Variants in CTTNBP2NL observed in about 807,000 individuals in gnomAD.
CTTNBP2NL encodes the protein CTTNBP2 N-terminal like.
A neutral mutation model predicts 32.5 loss-of-function variants in CTTNBP2NL; 16 were observed. The observed-to-expected ratio is 0.49, with a 90% CI of 0.33 to 0.75. CTTNBP2NL has a LOEUF of 0.75. Ranked by LOEUF, CTTNBP2NL falls within the 30% of genes least tolerant of loss-of-function variation. CTTNBP2NL has a pLI of 0.02. For missense variants in CTTNBP2NL, 645 were observed against 756.0 expected (o/e 0.85, Z 1.72); for synonymous variants, 298 against 289.4 (o/e 1.03, Z -0.30).
intron 4 of CTTNBP2NL, among the ~76,000 whole-genome samples, chr1:112,450,758 C>T (rs937965116): frequency 2.1e-5 from 3 of 144,280 alleles, no homozygotes; most frequent in Non-Finnish European, 3.0e-5. Flanking sequence ...AACAAAGTAC[C>T]TATCTATTCT....
chr1:112,410,752 G>C (rs1648835214), intron 1 of CTTNBP2NL, among the ~76,000 whole-genome samples: 1 of 152,144 alleles, frequency 6.6e-6, no homozygotes, highest in African/African-American at 2.4e-5. Context: ...AATGACAAGT[G>C]ACAGCTTACT....
At chr1:112,407,681 ATCCAAATAT>A (rs1437922348) in intron 1 of CTTNBP2NL, among the ~76,000 whole-genome samples, 1 of 152,150 alleles carries the variant, frequency 6.6e-6, no homozygotes. Context: ...TATTATAGTA[ATCCAAATAT>A]TCCAGTAATA....
chr1:112,450,784 T>TTTTG (rs1650193110), intron 4 of CTTNBP2NL, among the ~76,000 whole-genome samples: 1 of 150,764 alleles, frequency 6.6e-6, no homozygotes. Context: ...TTTTTTTTTT[T>TTTTG]GAGGTGAAGT....
In CTTNBP2NL at chr1:112,456,236, A is replaced by G. The variant is rs1650358381; in HGVS notation, c.744A>G (p.Gln248=). The change falls in exon 6 of 6, where the codon CAA becomes CAG. Residue 248 remains glutamine, a synonymous_variant. Transcript: ENST00000271277. The part of the protein sequence containing the change: ...QLSEFDIERE[Q]LRAKLNREEN... ...CAGAGTTTGACATCGAAAGGGAACA[A>G]CTGAGAGCAAAACTGAACCGAGAAG... The G allele has an allele frequency of 6.2e-7, 1 of 1,614,048 alleles. No homozygotes were observed. The highest frequency in any genetic ancestry group is 1.7e-5 in the Admixed American group (1 of 60,002).
At chr1:112,453,517 T>C (rs895534712) in intron 4 of CTTNBP2NL, among the ~76,000 whole-genome samples, 1 of 152,224 alleles carries the variant, frequency 6.6e-6, no homozygotes, top group East Asian at 1.9e-4. Context: ...TTTGGGAGGC[T>C]GAGGCGGGTG....
chr1:112,396,085 G>C (rs561918178), upstream of CTTNBP2NL: 1 of 152,258 alleles, frequency 6.6e-6, no homozygotes, highest in Non-Finnish European at 1.5e-5. Flanking sequence ...CCCGGGAGGA[G>C]CCTGAATGAC....
intron 1 of CTTNBP2NL, among the ~76,000 whole-genome samples, chr1:112,410,481 AT>A (rs1648822898): frequency 6.6e-6 from 1 of 151,700 alleles, no homozygotes. Context: ...AAATATCTTT[AT>A]CTTTTTTATT....
At chr1:112,447,552 A>T (rs180825074) in intron 3 of CTTNBP2NL, among the ~76,000 whole-genome samples, 1 of 152,180 alleles carries the variant, frequency 6.6e-6, no homozygotes. Flanking sequence ...ATAAGAACGT[A>T]AAATTTTACC....
At chr1:112,410,812 A>G (rs1014291062) in intron 1 of CTTNBP2NL, among the ~76,000 whole-genome samples, 1 of 152,208 alleles carries the variant, frequency 6.6e-6, no homozygotes, top group African/African-American at 2.4e-5. Flanking sequence ...ATCTGTGTCT[A>G]AACTCTAAGG....
intron 3 of CTTNBP2NL, among the ~76,000 whole-genome samples, chr1:112,428,544 T>A (rs922824907): frequency 1.3e-5 from 2 of 152,126 alleles, no homozygotes; most frequent in African/African-American, 4.8e-5. Context: ...TTGCAGAGTT[T>A]GGGGGAAGAA....
chr1:112,424,687 T>C (rs551180471), intron 3 of CTTNBP2NL, among the ~76,000 whole-genome samples: 19 of 152,366 alleles, frequency 1.2e-4, no homozygotes, highest in African/African-American at 4.3e-4. Flanking sequence ...TTGTCTTTAA[T>C]TTCTCTCAGC....
At chr1:112,438,146 T>C (rs1489533336) in intron 3 of CTTNBP2NL, among the ~76,000 whole-genome samples, 6 of 152,176 alleles carry the variant, frequency 3.9e-5, no homozygotes, top group Non-Finnish European at 5.9e-5. Context: ...GTAAGGACAT[T>C]TTAATGATAT....
chr1:112,451,543 A>C (rs1211996921), intron 4 of CTTNBP2NL, among the ~76,000 whole-genome samples: 1 of 151,406 alleles, frequency 6.6e-6, no homozygotes, highest in East Asian at 2.0e-4. Context: ...AGGCCAAGAC[A>C]GGCAGATCAC....
In CTTNBP2NL at chr1:112,400,741, A is replaced by G. The variant is rs138250995; in HGVS notation, c.-134+4469A>G. On this transcript the variant is annotated intron_variant, in intron 1 of 5. Coordinates refer to ENST00000271277, the MANE Select transcript of CTTNBP2NL (RefSeq NM_018704.3). ...CGGGAGACGGAGGTTGCAGTGAGCC[A>G]AGATCGTGCCATTGCACTCCAGCCT... 4.0e-3 allele frequency among the ~76,000 whole-genome samples: 609 copies of G among 152,178 alleles called. 3 individuals carry two copies. The highest frequency in any genetic ancestry group is 0.014 in the African/African-American group (594 of 41,528).
intron 1 of CTTNBP2NL, among the ~76,000 whole-genome samples, chr1:112,410,029 G>A (rs1056533603): frequency 6.6e-6 from 1 of 152,150 alleles, no homozygotes; most frequent in African/African-American, 2.4e-5. Flanking sequence ...TTTCATGGTG[G>A]GATGAAACCT....
chr1:112,418,954 C>T (rs1173416264), intron 3 of CTTNBP2NL, among the ~76,000 whole-genome samples: 1 of 152,184 alleles, frequency 6.6e-6, no homozygotes. Context: ...CACTAAATGG[C>T]TTCTGTGACT....
chr1:112,399,761 G>C (rs1648440212), intron 1 of CTTNBP2NL, among the ~76,000 whole-genome samples: 1 of 152,096 alleles, frequency 6.6e-6, no homozygotes, highest in African/African-American at 2.4e-5. Context: ...GTTTTCTAAA[G>C]GCCATTTTAA....
chr1:112,404,881 G>A (rs1047100375), intron 1 of CTTNBP2NL, among the ~76,000 whole-genome samples: 2 of 152,032 alleles, frequency 1.3e-5, no homozygotes, highest in Non-Finnish European at 2.9e-5. Context: ...GAGGAACCCC[G>A]TCTCTACTAA....
At chr1:112,439,774 G>A (rs1167965097) in intron 3 of CTTNBP2NL, among the ~76,000 whole-genome samples, 1 of 152,148 alleles carries the variant, frequency 6.6e-6, no homozygotes, top group Admixed American at 6.5e-5. Context: ...CAACCTCATG[G>A]TGTTTCCTGT....
Sources: allele counts gnomAD v4.1 joint callset (sites outside exome capture counted in the v4.1 genomes callset), GRCh38; gene constraint gnomAD v4.1.1; transcripts MANE v1.5; gene names NCBI Gene and HGNC (gene_info 2026-07-23, HGNC 2026-07-21).